RELCH: variants seen among roughly 807,000 people sequenced by gnomAD.
RELCH encodes RAB11 binding and LisH domain, coiled-coil and HEAT repeat containing.
RELCH carries 41 observed loss-of-function variants against 150.3 expected under a neutral mutation model. The observed-to-expected ratio is 0.27, with a 90% CI of 0.21 to 0.35. The LOEUF (loss-of-function observed/expected upper bound fraction) is 0.35. Among genes scored for constraint, RELCH ranks in the 10% least tolerant of loss-of-function variants. The pLI is 1.00. For synonymous variants in RELCH, 478 were observed against 531.8 expected (o/e 0.90, Z 1.39); for missense variants, 1,092 against 1,467.8 (o/e 0.74, Z 4.18).
intron 1 of RELCH, among the ~76,000 whole-genome samples, chr18:62,192,960 A>C (rs1344339077): frequency 1.3e-5 from 2 of 152,148 alleles, no homozygotes; most frequent in Non-Finnish European, 2.9e-5. Flanking sequence ...TGAATCTATA[A>C]ATTACTTTGG....
At chr18:62,194,313 G>GT (rs1220264740) in intron 1 of RELCH, among the ~76,000 whole-genome samples, 13 of 152,098 alleles carry the variant, frequency 8.5e-5, no homozygotes, top group African/African-American at 3.1e-4. Context: ...CCAGTTGACT[G>GT]TTTTTTTCTT....
At chr18:62,292,228 A>T (rs759141201) in intron 27 of RELCH, among the ~76,000 whole-genome samples, 1 of 152,190 alleles carries the variant, frequency 6.6e-6, no homozygotes, top group Non-Finnish European at 1.5e-5. Flanking sequence ...TCCCTGCATC[A>T]CACTAATCCA....
intron 28 of RELCH, chr18:62,300,675 A>G (rs940453815): frequency 2.6e-5 from 4 of 152,300 alleles, no homozygotes; most frequent in East Asian, 1.9e-4. Context: ...AATTAATTCA[A>G]TTGGTTGTGA....
intron 22 of RELCH, among the ~76,000 whole-genome samples, chr18:62,278,781 T>C (rs2044350949): frequency 6.6e-6 from 1 of 152,294 alleles, no homozygotes; most frequent in South Asian, 2.1e-4. Context: ...TATTGCAATT[T>C]AGCATTGGTT....
chr18:62,262,750 C>T (rs2043338442), intron 16 of RELCH, among the ~76,000 whole-genome samples: 1 of 151,984 alleles, frequency 6.6e-6, no homozygotes, highest in Admixed American at 6.6e-5. Context: ...TTCTAATTCC[C>T]TTTTTCTTTT....
intron 2 of RELCH, among the ~76,000 whole-genome samples, chr18:62,212,653 C>T (rs2148320907): frequency 1.3e-5 from 2 of 152,230 alleles, no homozygotes; most frequent in African/African-American, 4.8e-5. Context: ...AGTTATAGAA[C>T]TGTTATCTTG....
At chr18:62,192,196 T>C (rs1261087150) in intron 1 of RELCH, among the ~76,000 whole-genome samples, 1 of 152,230 alleles carries the variant, frequency 6.6e-6, no homozygotes, top group African/African-American at 2.4e-5. Context: ...ATGTCTTCTT[T>C]TGAGAAATGT....
At chr18:62,195,501 C>T (rs954564604) in intron 1 of RELCH, among the ~76,000 whole-genome samples, 7 of 152,024 alleles carry the variant, frequency 4.6e-5, no homozygotes, top group Non-Finnish European at 7.4e-5. Flanking sequence ...ACTGTAATTT[C>T]TTATGATTAG....
At chr18:62,262,122 A>AAT (rs1430010162) in intron 16 of RELCH, among the ~76,000 whole-genome samples, 1 of 152,112 alleles carries the variant, frequency 6.6e-6, no homozygotes, top group Non-Finnish European at 1.5e-5. Context: ...GATAGAAAGA[A>AAT]ATATAAAAGC....
At chr18:62,231,056 T>C (rs976210818) in intron 8 of RELCH, 138 bp from the exon 9 acceptor site, 1 of 590,516 alleles carries the variant, frequency 1.7e-6, no homozygotes, top group African/African-American at 1.9e-5. Context: ...TTCAAGTCAC[T>C]GGTGGCTCAG....
At chr18:62,233,858 G>C (rs2041729569) in intron 10 of RELCH, among the ~76,000 whole-genome samples, 1 of 151,632 alleles carries the variant, frequency 6.6e-6, no homozygotes, top group Non-Finnish European at 1.5e-5. Context: ...TAAAATGATT[G>C]TACTGCATGA....
intron 27 of RELCH, among the ~76,000 whole-genome samples, chr18:62,292,618 C>T (rs971133560): frequency 1.3e-5 from 2 of 152,238 alleles, no homozygotes; most frequent in Admixed American, 6.5e-5. Context: ...CTACAGGCAT[C>T]ATTTAAAATT....
At chr18:62,189,769 T>A (rs1276014559) in intron 1 of RELCH, among the ~76,000 whole-genome samples, 1 of 152,254 alleles carries the variant, frequency 6.6e-6, no homozygotes, top group East Asian at 1.9e-4. Flanking sequence ...ATTAAATAGT[T>A]TAGCAGTGTT....
At chr18:62,257,532 G>A (rs533665189) in intron 13 of RELCH, among the ~76,000 whole-genome samples, 13 of 152,122 alleles carry the variant, frequency 8.5e-5, no homozygotes, top group African/African-American at 3.1e-4. Flanking sequence ...AACAAATAGT[G>A]ACACGAGAGT....
chr18:62,282,490 C>G lies in RELCH; in HGVS notation c.3253+46C>G, dbSNP rs750805574. The G allele has an allele frequency of 2.5e-6, 4 of 1,579,114 alleles. No individual in the cohort carries two copies. In the African/African-American group the frequency reaches 4.1e-5, roughly 16 times the overall value. ...TTTTTCCTGAATTGTAATGTAAGAT[C>G]AAAGCTAGACACTCCTCTGAGGCCT... On this transcript the variant is annotated intron_variant, in intron 25 of 28. Transcript: ENST00000644646.
Position 62,306,123 on chromosome 18 carries a change from A to G in RELCH, c.*589A>G, listed in dbSNP as rs1408860620. ...GATGCTGTGATGATTTGAATTACAA[A>G]TCCTACAGTCAATAGCTAAAGACGA... On this transcript the variant is annotated 3_prime_UTR_variant, in exon 29 of 29. Transcript: ENST00000644646. 1 of 152,620 alleles carries G rather than the reference A, an allele frequency of 6.6e-6. No individual in the cohort carries two copies. Among genetic ancestry groups the G allele is most frequent in the Non-Finnish European group, 1.5e-5 (1 of 68,032 alleles). 9.5% of individuals were successfully genotyped at this position (152,620 alleles called of 1,614,324 possible). A position where few individuals can be genotyped will look rare whatever the true frequency, so the allele number is the denominator to read the frequency against.
At chr18:62,293,815 A>G (rs752794002) in intron 27 of RELCH, among the ~76,000 whole-genome samples, 2 of 152,070 alleles carry the variant, frequency 1.3e-5, no homozygotes, top group Non-Finnish European at 2.9e-5. Context: ...CTCCCTAATC[A>G]TGTCCCTCTC....
chr18:62,239,180 C>T (rs1399596800), intron 10 of RELCH, among the ~76,000 whole-genome samples: 2 of 152,016 alleles, frequency 1.3e-5, no homozygotes, highest in African/African-American at 4.8e-5. Context: ...ATTTCTTTAG[C>T]AATAGTGAGA....
In RELCH at chr18:62,260,193, C is replaced by CAAAAA. The variant is rs377119786; in HGVS notation, c.2203-1310_2203-1306dup. Among the ~76,000 whole-genome samples, 240 of 95,808 alleles carry CAAAAA rather than the reference C, an allele frequency of 2.5e-3. 4 individuals are homozygous for CAAAAA. The highest frequency in any genetic ancestry group is 9.2e-3 in the African/African-American group (224 of 24,262). The allele number at this position is 95,808 out of a possible 152,430, so 62.9% of individuals were successfully genotyped here. On this transcript the variant is annotated intron_variant, in intron 15 of 28. Transcript: ENST00000644646. Reference sequence around the variant, plus strand: ...TGTAAGGATTCAAACAACTCAACAGCAAAAAAAAAAAATCCAATTAAGGAA... The same window carrying CAAAAA: ...TGTAAGGATTCAAACAACTCAACAGCAAAAAAAAAAAAAAAAATCCAATTAAGGAA...
Sources: allele counts gnomAD v4.1 joint callset (sites outside exome capture counted in the v4.1 genomes callset), GRCh38; gene constraint gnomAD v4.1.1; transcripts MANE v1.5; gene names NCBI Gene and HGNC (gene_info 2026-07-23, HGNC 2026-07-21).